Variants in CTNNA2 observed in about 807,000 individuals in gnomAD.
The protein encoded by CTNNA2 is catenin alpha-2.
A neutral mutation model predicts 101.0 loss-of-function variants in CTNNA2; 42 were observed. That is an observed-to-expected ratio of 0.42 (90% confidence interval 0.32 to 0.54). CTNNA2 has a LOEUF of 0.54. Ranked by LOEUF, CTNNA2 falls within the 20% of genes least tolerant of loss-of-function variation. The probability of loss-of-function intolerance (pLI) is 0.14; values close to 1 mark genes in which losing one functional copy is unlikely to be tolerated. For missense variants in CTNNA2, 871 were observed against 1,223.1 expected (o/e 0.71, Z 4.29); for synonymous variants, 450 against 456.4 (o/e 0.99, Z 0.18).
chr2:79,878,921 CT>C (rs1366964084), intron 6 of CTNNA2, among the ~76,000 whole-genome samples: 1 of 152,166 alleles, frequency 6.6e-6, no homozygotes, highest in Non-Finnish European at 1.5e-5. Context: ...ATGGTATTGC[CT>C]AGGTTTTCTT....
At chr2:80,192,697 T>C (rs1163597706) in intron 7 of CTNNA2, among the ~76,000 whole-genome samples, 1 of 152,158 alleles carries the variant, frequency 6.6e-6, no homozygotes, top group Admixed American at 6.5e-5. Context: ...GTATTTTTAG[T>C]AGAGATGGGG....
In CTNNA2 at chr2:79,860,546, G is replaced by GTTTTTTTT. The variant is rs56929879; in HGVS notation, c.465+2379_465+2386dup. Reference sequence around the variant, plus strand: ...TTCTCCACACAGCCGAGTAAGGGAAGTTTTTTTTTTTTTTTTTTTAACGAT... The same window carrying GTTTTTTTT: ...TTCTCCACACAGCCGAGTAAGGGAAGTTTTTTTTTTTTTTTTTTTTTTTTTTTAACGAT... On this transcript the variant is annotated intron_variant, in intron 4 of 18. Transcript: ENST00000402739. 7.2e-3 allele frequency among the ~76,000 whole-genome samples: 774 copies of GTTTTTTTT among 107,164 alleles called. 62 individuals carry two copies. The highest frequency in any genetic ancestry group is 0.024 in the African/African-American group (648 of 27,072). 70.3% of individuals were successfully genotyped at this position (107,164 alleles called of 152,430 possible).
intron 2 of CTNNA2, among the ~76,000 whole-genome samples, chr2:79,718,398 GT>G (rs1390735724): frequency 1.3e-5 from 2 of 151,930 alleles, no homozygotes; most frequent in Non-Finnish European, 2.9e-5. Flanking sequence ...GATGAAATTG[GT>G]TCATTAGTTC....
intron 9 of CTNNA2, among the ~76,000 whole-genome samples, chr2:80,473,695 C>T (rs191336417): frequency 5.9e-5 from 9 of 152,260 alleles, no homozygotes; most frequent in African/African-American, 1.9e-4. Context: ...TATTGCTCCC[C>T]AACAACAGAA....
intron 7 of CTNNA2, among the ~76,000 whole-genome samples, chr2:80,217,232 A>T (rs1338514725): frequency 1.3e-5 from 2 of 152,120 alleles, no homozygotes; most frequent in Non-Finnish European, 2.9e-5. Context: ...TGGCATATAT[A>T]TATTGCTAAG....
chr2:80,449,224 C>T (rs113680607), intron 9 of CTNNA2, among the ~76,000 whole-genome samples: 495 of 151,976 alleles, frequency 3.3e-3, no homozygotes, highest in African/African-American at 0.012. Flanking sequence ...TTGTAGTGAG[C>T]TATGATCAAT....
chr2:79,742,499 A>G (rs910864953), intron 2 of CTNNA2, among the ~76,000 whole-genome samples: 1 of 152,056 alleles, frequency 6.6e-6, no homozygotes, highest in Non-Finnish European at 1.5e-5. Context: ...TGCTTAGGGG[A>G]CTTATGTGCT....
rs1368387124 is a variant in CTNNA2, at chr2:80,303,593, C to T, written c.1057-89618C>T. The T allele has an allele frequency of 1.2e-6, 2 of 1,614,074 alleles. No individual in the cohort carries two copies. Among genetic ancestry groups the T allele is most frequent in the East Asian group, 2.2e-5 (1 of 44,878 alleles). ...CTGGCCGGCGCGCAGCTCCGAGAGG[C>T]TGTTGTAGCGCAGGGACAAGCCCAG... On this transcript the variant is annotated intron_variant, in intron 7 of 18. Coordinates refer to ENST00000402739, the MANE Select transcript of CTNNA2 (RefSeq NM_001282597.3). This position sits in a 1 kb window ranked among gnomAD's most constrained non-coding sequence, Gnocchi z 7.7.
rs369006211 is a variant in CTNNA2, at chr2:80,647,599, A to G, written c.2589A>G (p.Thr863=). 2 of 1,612,218 alleles carry G rather than the reference A, an allele frequency of 1.2e-6. No individual in the cohort carries two copies. Among genetic ancestry groups the G allele is most frequent in the African/African-American group, 2.7e-5 (2 of 74,848 alleles). ...SSDSSMLDSA[T]SLIQAAKNLM... is the part of the protein sequence containing the mutation. The stretch of plus-strand genomic sequence containing the variant: ...TCCTACTCTAGCTGGACAGTGCCAC[A>G]TCGCTTATCCAGGCAGCTAAAAACC... Residue 863 remains threonine (T), a synonymous_variant, in exon 19 of 19, where the codon ACA becomes ACG. Coordinates refer to ENST00000402739, the MANE Select transcript of CTNNA2 (RefSeq NM_001282597.3).
chr2:80,463,359 G>T (rs1684605930), intron 9 of CTNNA2, among the ~76,000 whole-genome samples: 1 of 152,148 alleles, frequency 6.6e-6, no homozygotes, highest in Non-Finnish European at 1.5e-5. Context: ...GTAGTACTTT[G>T]TACATTTTAA....
chr2:80,271,396 T>G (rs980192170), intron 7 of CTNNA2, among the ~76,000 whole-genome samples: 3 of 151,676 alleles, frequency 2.0e-5, no homozygotes, highest in Non-Finnish European at 4.4e-5. Flanking sequence ...TTATACCACA[T>G]TGACCAAGCT....
intron 7 of CTNNA2, among the ~76,000 whole-genome samples, chr2:79,939,617 C>G (rs892602838): frequency 5.3e-5 from 8 of 151,486 alleles, no homozygotes; most frequent in Non-Finnish European, 1.0e-4. Context: ...TTTTTTTATT[C>G]TACAATTAGC....
intron 2 of CTNNA2, among the ~76,000 whole-genome samples, chr2:79,287,616 C>G (rs1675646184): frequency 6.6e-6 from 1 of 151,234 alleles, no homozygotes; most frequent in Non-Finnish European, 1.5e-5. Flanking sequence ...CTCAGATCTC[C>G]TGCTGCATGC....
chr2:80,580,056 C>T (rs907020277), intron 13 of CTNNA2, among the ~76,000 whole-genome samples: 4 of 152,192 alleles, frequency 2.6e-5, no homozygotes, highest in Admixed American at 6.5e-5. Flanking sequence ...ATCCTTACTA[C>T]CGTTCGAATT....
At chr2:79,353,029 G>A (rs1677427208) in intron 3 of CTNNA2, among the ~76,000 whole-genome samples, 2 of 152,068 alleles carry the variant, frequency 1.3e-5, no homozygotes. Context: ...CAGCACTAGG[G>A]AGATGGTGCT....
At position 80,459,525 on chromosome 2, in the gene CTNNA2, T is replaced by A. The variant is rs74338337; in HGVS notation, c.1290+39924T>A. ...TCTTAAGGTGATTGCACAGATAACATGGGCCCAGGCAGAAGCCAGGGAAAA... is the reference window on the plus strand; with the variant it reads ...TCTTAAGGTGATTGCACAGATAACAAGGGCCCAGGCAGAAGCCAGGGAAAA... On this transcript the variant is annotated intron_variant, in intron 9 of 18. Coordinates refer to ENST00000402739, the MANE Select transcript of CTNNA2 (RefSeq NM_001282597.3). Among the ~76,000 whole-genome samples, 1,154 of 152,184 alleles carry A rather than the reference T, an allele frequency of 7.6e-3. 15 individuals carry two copies. Among genetic ancestry groups the A allele is most frequent in the African/African-American group, 0.025 (1,057 of 41,530 alleles).
Position 80,032,165 on chromosome 2 carries a change from C to T in CTNNA2, c.1056+122368C>T, listed in dbSNP as rs569650918. Among the ~76,000 whole-genome samples the T allele has an allele frequency of 1.5e-3, 234 of 152,198 alleles. No homozygotes were observed. The South Asian group carries it at 0.016, about 10-fold the overall frequency. On this transcript the variant is annotated intron_variant, in intron 7 of 18. Transcript: ENST00000402739. ...AGCAGAAGCTGCCTGGGAGGAAGAG[C>T]GGAGGACATGAGGAGCGTTTTGAAA...
intron 7 of CTNNA2, among the ~76,000 whole-genome samples, chr2:80,198,079 C>T (rs751472678): frequency 1.3e-5 from 2 of 152,154 alleles, no homozygotes; most frequent in Non-Finnish European, 1.5e-5. Flanking sequence ...GCTTTAGAAC[C>T]AGAGTTTGGG....
rs147776081 is a variant in CTNNA2 at position 80,283,881 on chromosome 2, G to C, written c.1057-109330G>C. Among the ~76,000 whole-genome samples, 176 of 151,890 alleles carry C rather than the reference G, an allele frequency of 1.2e-3. 1 individual carries two copies. The highest frequency in any genetic ancestry group is 4.1e-3 in the African/African-American group (168 of 41,266). On this transcript the variant is annotated intron_variant, in intron 7 of 18. Coordinates refer to ENST00000402739, the MANE Select transcript of CTNNA2 (RefSeq NM_001282597.3). ...AAGAGATAAGAAAGAAAGGGGATAG[G>C]AGGAGAGGGAGAAGGAGGAGGGAAA...
Sources: gnomAD v4.1 joint callset for allele counts (sites outside exome capture counted in the v4.1 genomes callset) on GRCh38, gnomAD v4.1.1 for gene constraint, Gnocchi (gnomAD v3.1) non-coding constraint, MANE v1.5 for transcripts, NCBI Gene and HGNC (gene_info 2026-07-23, HGNC 2026-07-21) for gene names.